The following PAK4 variants were observed in gnomAD, a reference collection of about 807,000 sequenced individuals.
The protein encoded by PAK4 is p21 (RAC1) activated kinase 4.
Under a neutral mutation model 53.5 loss-of-function variants are expected in PAK4, and 49 were observed. That is an observed-to-expected ratio of 0.92 (90% CI 0.73 to 1.16). The LOEUF is 1.16. Among genes scored for constraint, PAK4 ranks in the 50% most tolerant of loss-of-function variants. The pLI is 0.00. For missense variants in PAK4, 824 were observed against 850.7 expected, an observed-to-expected ratio of 0.97 and a Z score of 0.39; for synonymous variants, 376 against 375.6, an observed-to-expected ratio of 1.00 and a Z score of -0.01.
Position 39,153,944 on chromosome 19 carries a change from A to C in PAK4, c.-22-15588A>C, listed in dbSNP as rs373420725. On this transcript the variant is annotated intron_variant, in intron 1 of 8. Coordinates refer to ENST00000358301, the Ensembl canonical transcript of PAK4. ...TTTTCTCTCTGTTTGCCACCTCTGT[A>C]TGCAGCCTGAAGCAGTTTCCTTTTG... Among the ~76,000 whole-genome samples the C allele has an allele frequency of 5.3e-4, 80 of 152,214 alleles. 1 individual carries two copies. The South Asian group carries it at 0.015, about 28-fold the overall frequency.
intron 1 of PAK4, among the ~76,000 whole-genome samples, chr19:39,150,561 C>T (rs556196599): frequency 4.6e-5 from 7 of 152,186 alleles, no homozygotes; most frequent in South Asian, 2.1e-4. Context: ...CCCTTGATTC[C>T]GTCCTTCACA....
chr19:39,176,825 A>G, intron 7 of PAK4, 110 bp downstream of exon 8: 1 of 1,343,858 alleles, frequency 7.4e-7, no homozygotes, highest in South Asian at 1.3e-5. Context: ...ATTGCCAGGA[A>G]TGGTGCTCTG....
intron 1 of PAK4, among the ~76,000 whole-genome samples, chr19:39,130,330 G>A (rs936248967): frequency 4.6e-5 from 7 of 152,070 alleles, no homozygotes; most frequent in Non-Finnish European, 8.8e-5. Context: ...GTTGGGGCTG[G>A]ATGGTGGGGA....
chr19:39,154,556 G>A (rs566890802), intron 1 of PAK4, among the ~76,000 whole-genome samples: 1 of 152,346 alleles, frequency 6.6e-6, no homozygotes, highest in East Asian at 1.9e-4. Flanking sequence ...CCGTGTGCCT[G>A]TATTACAAAG....
intron 1 of PAK4, among the ~76,000 whole-genome samples, chr19:39,131,964 A>G (rs1235644826): frequency 1.3e-5 from 2 of 152,128 alleles, no homozygotes; most frequent in Non-Finnish European, 2.9e-5. Flanking sequence ...GATGCTCAGC[A>G]CTCAGTAAGT....
chr19:39,172,658 AG>A (rs373638184), intron 2 of PAK4, among the ~76,000 whole-genome samples: 2 of 151,946 alleles, frequency 1.3e-5, no homozygotes, highest in Admixed American at 6.5e-5. Flanking sequence ...GAGAAAAACA[AG>A]GGGGGCCTCT....
chr19:39,158,723 T>A (rs988479971), intron 1 of PAK4, among the ~76,000 whole-genome samples: 2 of 152,186 alleles, frequency 1.3e-5, no homozygotes, highest in Admixed American at 6.5e-5. Flanking sequence ...TGAGCCACAC[T>A]CTCTGCGCTG....
At chr19:39,142,469 A>G (rs571425464) in intron 1 of PAK4, among the ~76,000 whole-genome samples, 2 of 152,110 alleles carry the variant, frequency 1.3e-5, no homozygotes, top group East Asian at 3.9e-4. Flanking sequence ...TGAGAAGAAC[A>G]CTCTGAAGTC....
intron 1 of PAK4, among the ~76,000 whole-genome samples, chr19:39,130,092 G>C (rs1430078626): frequency 6.6e-6 from 1 of 150,746 alleles, no homozygotes; most frequent in East Asian, 2.0e-4. Context: ...GGCGGGATGT[G>C]GGGGGGACCC....
chr19:39,180,276 C>T (rs2074686804), downstream of PAK4: 1 of 152,018 alleles, frequency 6.6e-6, no homozygotes, highest in Non-Finnish European at 1.5e-5. Flanking sequence ...GCTGTGCTCT[C>T]TGCGATGTAT....
intron 1 of PAK4, among the ~76,000 whole-genome samples, chr19:39,146,561 G>A (rs989733550): frequency 1.3e-5 from 2 of 152,234 alleles, no homozygotes; most frequent in Non-Finnish European, 2.9e-5. Context: ...AGAATGGCCA[G>A]GCGCAGTGGC....
intron 1 of PAK4, among the ~76,000 whole-genome samples, chr19:39,140,547 G>T (rs955154972): frequency 6.6e-6 from 1 of 152,244 alleles, no homozygotes; most frequent in Non-Finnish European, 1.5e-5. Context: ...AGGACTGCCT[G>T]TCGGTCAGTA....
intron 1 of PAK4, among the ~76,000 whole-genome samples, chr19:39,126,238 G>A (rs2073575073): frequency 6.6e-6 from 1 of 152,108 alleles, no homozygotes. Context: ...CCCCACGAGG[G>A]TCAGAGGTCA....
intron 1 of PAK4, among the ~76,000 whole-genome samples, chr19:39,126,916 G>A (rs1341802413): frequency 6.6e-6 from 1 of 152,274 alleles, no homozygotes; most frequent in African/African-American, 2.4e-5. Flanking sequence ...ATCGAAGCTG[G>A]GCCTGGGTGA....
chr19:39,152,704 G>C (rs75015435), intron 1 of PAK4, among the ~76,000 whole-genome samples: 35 of 152,274 alleles, frequency 2.3e-4, no homozygotes, highest in East Asian at 1.7e-3. Context: ...ATTACGTTTG[G>C]GGGGGTGGAA....
At chr19:39,150,967 G>A (rs781518186) in intron 1 of PAK4, among the ~76,000 whole-genome samples, 102 of 152,232 alleles carry the variant, frequency 6.7e-4, no homozygotes, top group Non-Finnish European at 1.0e-3. Flanking sequence ...CCGCACAGGC[G>A]GCACGTGACA....
intron 1 of PAK4, among the ~76,000 whole-genome samples, chr19:39,137,968 T>G (rs1316719746): frequency 2.0e-5 from 3 of 148,884 alleles, no homozygotes; most frequent in African/African-American, 7.5e-5. Context: ...GCCTAGTGTC[T>G]TAGCCATTCC....
At chr19:39,174,742 G>C (rs538486929) in intron 4 of PAK4, among the ~76,000 whole-genome samples, 189 bp from the exon 6 acceptor site, 245 of 152,290 alleles carry the variant, frequency 1.6e-3, no homozygotes, top group Non-Finnish European at 2.9e-3. Context: ...GCCCCCAGAA[G>C]GGAGGCGTGG....
chr19:39,132,989 A>G (rs946934760), intron 1 of PAK4, among the ~76,000 whole-genome samples: 5 of 152,246 alleles, frequency 3.3e-5, no homozygotes, highest in Non-Finnish European at 5.9e-5. Context: ...TTCTCTGAGA[A>G]GGGGAAACTG....
Sources: allele counts gnomAD v4.1 joint callset (sites outside exome capture counted in the v4.1 genomes callset), GRCh38; gene constraint gnomAD v4.1.1; transcripts MANE v1.5; gene names NCBI Gene and HGNC (gene_info 2026-07-23, HGNC 2026-07-21).